SEPTIN8: variants seen among roughly 807,000 people sequenced by gnomAD.
SEPTIN8 encodes septin-8.
In SEPTIN8, 22 loss-of-function variants were observed where a neutral mutation model predicts 53.1. The observed-to-expected ratio is 0.41, with a 90% CI of 0.30 to 0.59. The LOEUF (loss-of-function observed/expected upper bound fraction) is 0.59. SEPTIN8 is among the 20% of genes least tolerant of loss of function. The probability of loss-of-function intolerance (pLI) is 0.24; values close to 1 mark genes in which losing one functional copy is unlikely to be tolerated. For missense variants in SEPTIN8, 536 were observed against 638.7 expected, an observed-to-expected ratio of 0.84 and a Z score of 1.73; for synonymous variants, 228 against 248.4, an observed-to-expected ratio of 0.92 and a Z score of 0.77.
intron 9 of SEPTIN8, among the ~76,000 whole-genome samples, chr5:132,755,473 T>G (rs1437248949): frequency 1.3e-5 from 2 of 152,206 alleles, no homozygotes; most frequent in Non-Finnish European, 2.9e-5. Context: ...GGGTACAGAC[T>G]ACCAGCGTTC....
At chr5:132,764,000 T>A in intron 3 of SEPTIN8, 108 bp from the exon 4 acceptor site, 1 of 1,204,358 alleles carries the variant, frequency 8.3e-7, no homozygotes, top group Non-Finnish European at 1.2e-6. Context: ...GCCTTTTCTT[T>A]CTGGGAACAG....
chr5:132,752,224 G>C, intron 9 of SEPTIN8, 43 bp from the exon 10 acceptor site: 1 of 1,543,152 alleles, frequency 6.5e-7, no homozygotes, highest in South Asian at 1.2e-5. Flanking sequence ...CCCAGACCAG[G>C]CTCTGTGTTT....
At chr5:132,764,054 T>C in intron 3 of SEPTIN8, 162 bp from the exon 4 acceptor site, 1 of 949,572 alleles carries the variant, frequency 1.1e-6, no homozygotes, top group Non-Finnish European at 1.5e-6. Flanking sequence ...GCTGACCCCT[T>C]CTCCAGACAC....
In SEPTIN8 at chr5:132,752,061, G is replaced by T; in HGVS notation, c.1407C>A (p.Cys469Ter). 1 of 1,609,970 alleles carries T rather than the reference G, an allele frequency of 6.2e-7. No homozygotes were observed. The change falls in exon 10 of 10, where the codon TGC (cysteine) becomes TGA (stop). Residue 469 changes from cysteine to a stop codon, truncating the protein, a stop_gained. Transcript: ENST00000378719. LOFTEE classifies it high-confidence loss of function. The part of the protein sequence containing the change: ...CSSWWPAIQC[C>*]SCLVRDATWR... ...ACGTCGCATCCCTGACCAGGCAGCT[G>T]CAGCACTGTATGGCGGGCCACCAGC... is the stretch of plus-strand genomic sequence containing the variant.
At chr5:132,756,352 T>G (rs916830838) in intron 9 of SEPTIN8, 6 of 981,236 alleles carry the variant, frequency 6.1e-6, no homozygotes, top group Non-Finnish European at 7.3e-6. Context: ...ATCCCCTTTC[T>G]CTCTCAATAG....
At chr5:132,756,129 G>GT (rs1755317070) in intron 9 of SEPTIN8, 16 of 985,280 alleles carry the variant, frequency 1.6e-5, no homozygotes, top group African/African-American at 1.7e-5. Flanking sequence ...GCATGTTAAC[G>GT]TAACAGACTA....
chr5:132,763,171 C>G (rs1382047834), intron 4 of SEPTIN8, among the ~76,000 whole-genome samples: 1 of 152,184 alleles, frequency 6.6e-6, no homozygotes, highest in Admixed American at 6.5e-5. Context: ...ATGCACAGCA[C>G]TTCCAGTCCT....
intron 9 of SEPTIN8, chr5:132,756,907 C>A: frequency 1.0e-6 from 1 of 985,420 alleles, no homozygotes. Context: ...GCTGGGTCAC[C>A]AGGCCTCATC....
At chr5:132,762,396 G>C in intron 5 of SEPTIN8, 88 bp downstream of exon 5, 1 of 1,338,802 alleles carries the variant, frequency 7.5e-7, no homozygotes, top group Non-Finnish European at 1.0e-6. Flanking sequence ...GAATCCTGGG[G>C]AACAAGAGTC....
At chr5:132,758,422 T>C in intron 9 of SEPTIN8, 1 of 1,564,640 alleles carries the variant, frequency 6.4e-7, no homozygotes, top group Non-Finnish European at 8.7e-7. Flanking sequence ...CAGCTGCACC[T>C]AGGGCACCAC....
intron 1 of SEPTIN8, among the ~76,000 whole-genome samples, chr5:132,772,736 T>A (rs545157844): frequency 8.5e-5 from 13 of 152,224 alleles, no homozygotes; most frequent in Middle Eastern, 3.4e-3. Flanking sequence ...CTGCTATACT[T>A]CTCTGCTGCT....
chr5:132,767,666 G>A (rs1756741139), intron 1 of SEPTIN8, among the ~76,000 whole-genome samples: 1 of 152,030 alleles, frequency 6.6e-6, no homozygotes, highest in Non-Finnish European at 1.5e-5. Flanking sequence ...AACTGCTACG[G>A]CATCAGAGCA....
At chr5:132,758,219 G>A (rs1755524499) in intron 9 of SEPTIN8, 1 of 1,234,716 alleles carries the variant, frequency 8.1e-7, no homozygotes, top group Non-Finnish European at 1.0e-6. Flanking sequence ...AGGTTTAGCT[G>A]TATTTTTAGT....
chr5:132,761,636 G>A lies in SEPTIN8; in HGVS notation c.794-10C>T, dbSNP rs1581157053. 1.9e-6 allele frequency: 3 copies of A among 1,613,104 alleles called. No individual in the cohort carries two copies. The highest frequency in any genetic ancestry group is 2.2e-5 in the East Asian group (1 of 44,902). On this transcript the variant is annotated splice_polypyrimidine_tract_variant and intron_variant, in intron 6 of 9. Coordinates refer to ENST00000378719, the MANE Select transcript of SEPTIN8 (RefSeq NM_001098811.2). This position sits in a 1 kb window ranked among gnomAD's most constrained non-coding sequence, Gnocchi z 5.8. The stretch of plus-strand genomic sequence containing the variant: ...TGATTCTCATTCTCCACTGAAAGCA[G>A]AGGGCCGGTGGGGTATCAGGCAGGC...
At chr5:132,754,579 C>T (rs1755165731) in intron 9 of SEPTIN8, 1 of 713,916 alleles carries the variant, frequency 1.4e-6, no homozygotes, top group Non-Finnish European at 2.6e-6. Flanking sequence ...AGACAACCTT[C>T]TGCTCTGGCT....
At chr5:132,774,311 T>A (rs1226082566) in intron 1 of SEPTIN8, 1 of 163,104 alleles carries the variant, frequency 6.1e-6, no homozygotes, top group African/African-American at 2.4e-5. Flanking sequence ...TCAGCTTCAC[T>A]TTCCCCAAGC....
At position 132,762,664 on chromosome 5, in the gene SEPTIN8, G is replaced by A. The variant is rs1756112675; in HGVS notation, c.535-19C>T. ...TGTTCACCTGCCAGGATCAGGGGAG[G>A]GGACAGCAGGCTGGTTGGCTCTTTT... is the stretch of plus-strand genomic sequence containing the variant. On this transcript the variant is annotated intron_variant, in intron 4 of 9. Transcript: ENST00000378719. The A allele has an allele frequency of 1.2e-6, 2 of 1,613,988 alleles. No homozygotes were observed. Among genetic ancestry groups the A allele is most frequent in the Non-Finnish European group, 1.7e-6 (2 of 1,179,882 alleles).
intron 1 of SEPTIN8, among the ~76,000 whole-genome samples, chr5:132,772,426 G>A (rs1416222005): frequency 1.3e-5 from 2 of 152,144 alleles, no homozygotes; most frequent in East Asian, 3.9e-4. Flanking sequence ...AGAGGAGATG[G>A]GGAAGGTGCT....
intron 9 of SEPTIN8, chr5:132,752,723 C>G (rs2149942508): frequency 1.5e-6 from 1 of 648,608 alleles, no homozygotes; most frequent in Middle Eastern, 3.2e-4. Flanking sequence ...ATGGATGTCC[C>G]TGAGATGGTA....
Sources: gnomAD v4.1 joint callset for allele counts (sites outside exome capture counted in the v4.1 genomes callset) on GRCh38, gnomAD v4.1.1 for gene constraint, Gnocchi (gnomAD v3.1) non-coding constraint, MANE v1.5 for transcripts, NCBI Gene and HGNC (gene_info 2026-07-23, HGNC 2026-07-21) for gene names.